Variants in STX7 observed in about 807,000 individuals in gnomAD.
STX7 encodes the protein syntaxin-7.
In STX7, 34 loss-of-function variants were observed where a neutral mutation model predicts 39.6. The ratio of observed to expected loss-of-function variants is 0.86; its 90% confidence interval spans 0.65 to 1.14. The LOEUF is 1.14. Ranked by LOEUF, STX7 falls within the 50% of genes most tolerant of loss-of-function variation. The probability of loss-of-function intolerance (pLI) is 0.00; values close to 1 mark genes in which losing one functional copy is unlikely to be tolerated. For synonymous variants in STX7, 119 were observed against 99.1 expected, an observed-to-expected ratio of 1.20 and a Z score of -1.19; for missense variants, 284 against 310.4, an observed-to-expected ratio of 0.92 and a Z score of 0.64.
intron 1 of STX7, among the ~76,000 whole-genome samples, chr6:132,505,922 G>C (rs1026656314): frequency 2.6e-5 from 4 of 152,078 alleles, no homozygotes; most frequent in Non-Finnish European, 5.9e-5. Flanking sequence ...GAATAGAGAA[G>C]TCAGAAGTAA....
At chr6:132,468,382 A>G (rs774202400) in intron 8 of STX7, 21 bp downstream of exon 8, 3 of 1,599,536 alleles carry the variant, frequency 1.9e-6, no homozygotes, top group Admixed American at 1.7e-5. Context: ...CACCTCCAAA[A>G]TCTAAGTCAG....
intron 2 of STX7, among the ~76,000 whole-genome samples, chr6:132,494,052 T>C (rs576450517): frequency 1.3e-5 from 2 of 152,336 alleles, no homozygotes; most frequent in Non-Finnish European, 2.9e-5. Context: ...TTTTATCACA[T>C]GGTCACCATG....
intron 2 of STX7, among the ~76,000 whole-genome samples, chr6:132,500,017 C>T (rs1247392431): frequency 1.3e-5 from 2 of 152,106 alleles, no homozygotes; most frequent in Admixed American, 6.5e-5. Flanking sequence ...CATGCATCAG[C>T]AAGTCCCGCT....
intron 2 of STX7, among the ~76,000 whole-genome samples, chr6:132,498,670 T>C (rs1265561240): frequency 6.6e-6 from 1 of 152,220 alleles, no homozygotes; most frequent in African/African-American, 2.4e-5. Context: ...AACCTAAATG[T>C]GGTGCAAAGT....
chr6:132,476,969 T>C (rs1048492909), intron 2 of STX7, among the ~76,000 whole-genome samples: 4 of 152,132 alleles, frequency 2.6e-5, no homozygotes, highest in African/African-American at 7.2e-5. Flanking sequence ...TTTACTTATA[T>C]AGCTTAAATG....
chr6:132,477,279 G>T (rs1769833796), intron 2 of STX7, among the ~76,000 whole-genome samples: 3 of 152,154 alleles, frequency 2.0e-5, no homozygotes, highest in Admixed American at 2.0e-4. Flanking sequence ...AACCTCAACA[G>T]ATTTTCTTGA....
At chr6:132,507,918 C>T (rs1369726820) in intron 1 of STX7, among the ~76,000 whole-genome samples, 2 of 152,198 alleles carry the variant, frequency 1.3e-5, no homozygotes, top group Non-Finnish European at 1.5e-5. Context: ...GTCTCCAGCT[C>T]GTACCCTTGG....
intron 2 of STX7, among the ~76,000 whole-genome samples, chr6:132,476,152 T>C (rs1774869005): frequency 6.6e-6 from 1 of 152,150 alleles, no homozygotes; most frequent in Non-Finnish European, 1.5e-5. Flanking sequence ...TCACAGGACA[T>C]TCATACAACT....
rs1774114368 is a variant in STX7 at position 132,450,416 on chromosome 6, A to G, written c.*10342T>C. The G allele has an allele frequency of 1.3e-5, 2 of 151,952 alleles. No individual in the cohort carries two copies. Among genetic ancestry groups the G allele is most frequent in the African/African-American group, 2.4e-5 (1 of 41,356 alleles). 9.4% of individuals were successfully genotyped at this position (151,952 alleles called of 1,614,324 possible). A position where few individuals can be genotyped will look rare whatever the true frequency, so the allele number is the denominator to read the frequency against. On this transcript the variant is annotated 3_prime_UTR_variant, in exon 10 of 10. Coordinates refer to ENST00000367941, the MANE Select transcript of STX7 (RefSeq NM_003569.3). ...TGTTTGGTTATTTATCTGTACTTTC[A>G]TTCCTAAATTTTTTATGTCTTCTGT...
At position 132,464,022 on chromosome 6, in the gene STX7, G is replaced by A. The variant is rs970685870; in HGVS notation, c.664C>T (p.Gln222Ter). 6.2e-7 allele frequency: 1 copy of A among 1,613,952 alleles called. No homozygotes were observed. Among genetic ancestry groups the A allele is most frequent in the African/African-American group, 1.3e-5 (1 of 74,898 alleles). Residue 222 changes from glutamine to a stop codon, truncating the protein, a stop_gained, in exon 9 of 10, where the codon CAG becomes TAG. Transcript: ENST00000367941. LOFTEE classifies it high-confidence loss of function. ...NAEVHVQQAN[Q>*]QLSRAADYQR... ...TAATCTGCTGCCCTTGACAGCTGCTGATTTGCTTGCTGAACGTGCACCTCT... is the reference window on the plus strand; with the variant it reads ...TAATCTGCTGCCCTTGACAGCTGCTAATTTGCTTGCTGAACGTGCACCTCT...
intron 2 of STX7, among the ~76,000 whole-genome samples, chr6:132,502,554 G>A (rs887089772): frequency 6.6e-6 from 1 of 152,170 alleles, no homozygotes; most frequent in African/African-American, 2.4e-5. Flanking sequence ...ACTTCCGAAT[G>A]AAGTGCCACA....
In STX7 at chr6:132,459,432, G is replaced by A. The variant is rs1489434082; in HGVS notation, c.*1326C>T. On this transcript the variant is annotated 3_prime_UTR_variant, in exon 10 of 10. Transcript: ENST00000367941. ...CATGTGGTGATGTCTCCATGCTGAG[G>A]TTTCAGGCAGCACAGCACTAAGTAT... The A allele has an allele frequency of 6.6e-6, 1 of 152,222 alleles. No individual in the cohort carries two copies. The highest frequency in any genetic ancestry group is 1.5e-5 in the Non-Finnish European group (1 of 68,048). 9.4% of individuals were successfully genotyped at this position (152,222 alleles called of 1,614,324 possible). A position where few individuals can be genotyped will look rare whatever the true frequency, so the allele number is the denominator to read the frequency against.
chr6:132,465,914 G>T (rs1415800538), intron 8 of STX7, among the ~76,000 whole-genome samples: 3 of 152,094 alleles, frequency 2.0e-5, no homozygotes, highest in Non-Finnish European at 4.4e-5. Flanking sequence ...CTTATCATCA[G>T]TATTTCTTTC....
intron 3 of STX7, among the ~76,000 whole-genome samples, chr6:132,472,803 T>C (rs1774765887): frequency 6.6e-6 from 1 of 152,124 alleles, no homozygotes; most frequent in African/African-American, 2.4e-5. Flanking sequence ...GATCTAGTTA[T>C]ATCTGGCCTC....
At chr6:132,477,801 G>A (rs1361810438) in intron 2 of STX7, among the ~76,000 whole-genome samples, 1 of 152,074 alleles carries the variant, frequency 6.6e-6, no homozygotes, top group Non-Finnish European at 1.5e-5. Flanking sequence ...GTAACTGCAG[G>A]TTATGATGAG....
At chr6:132,463,912 C>T (rs911551202) in intron 9 of STX7, 81 bp downstream of exon 9, 1 of 1,347,578 alleles carries the variant, frequency 7.4e-7, no homozygotes, top group African/African-American at 1.4e-5. Context: ...AACCTAATCT[C>T]TCCCTGCTTC....
intron 5 of STX7, among the ~76,000 whole-genome samples, chr6:132,471,252 T>A (rs1774714090): frequency 6.6e-6 from 1 of 152,240 alleles, no homozygotes; most frequent in Non-Finnish European, 1.5e-5. Flanking sequence ...TGTAATCTTC[T>A]GTACTATGAC....
intron 8 of STX7, 58 bp from the exon 9 acceptor site, chr6:132,464,133 C>T: frequency 6.9e-7 from 1 of 1,446,632 alleles, no homozygotes; most frequent in Non-Finnish European, 9.7e-7. Flanking sequence ...GCTCCAGTAA[C>T]AAATCACTAA....
chr6:132,488,822 A>T (rs1775205420), intron 2 of STX7, among the ~76,000 whole-genome samples: 1 of 152,104 alleles, frequency 6.6e-6, no homozygotes. Flanking sequence ...CTAAATATTG[A>T]AAGAAACAAA....
Sources: gnomAD v4.1 joint callset for allele counts (sites outside exome capture counted in the v4.1 genomes callset) on GRCh38, gnomAD v4.1.1 for gene constraint, MANE v1.5 for transcripts, NCBI Gene and HGNC (gene_info 2026-07-23, HGNC 2026-07-21) for gene names.